Variants in SH3TC2 observed in about 807,000 individuals in gnomAD.
SH3TC2 encodes the protein SH3 domain and tetratricopeptide repeat-containing protein 2.
SH3TC2 carries 87 observed loss-of-function variants against 124.5 expected under a neutral mutation model. That is an observed-to-expected ratio of 0.70 (90% confidence interval 0.59 to 0.84). The LOEUF is 0.84. Ranked by LOEUF, SH3TC2 falls within the 40% of genes least tolerant of loss-of-function variation. The pLI, the probability that SH3TC2 is intolerant of heterozygous loss-of-function variation, is 0.00. For missense variants in SH3TC2, 1,536 were observed against 1,566.4 expected (o/e 0.98, Z 0.33); for synonymous variants, 634 against 628.5 (o/e 1.01, Z -0.13).
intron 8 of SH3TC2, 131 bp downstream of exon 8, chr5:149,038,164 G>A (rs1176004324): frequency 2.6e-6 from 2 of 764,910 alleles, no homozygotes; most frequent in Non-Finnish European, 4.5e-6. Context: ...CAACCTTGGT[G>A]TCAGCATGTG....
At chr5:149,035,624 C>G (rs567189328) in intron 8 of SH3TC2, 13 of 152,340 alleles carry the variant, frequency 8.5e-5, no homozygotes, top group Non-Finnish European at 1.3e-4. Flanking sequence ...ATGCAAGGAG[C>G]CAGTTCCCCT....
At chr5:149,034,843 T>C (rs906061404) in intron 8 of SH3TC2, among the ~76,000 whole-genome samples, 2 of 152,214 alleles carry the variant, frequency 1.3e-5, no homozygotes, top group African/African-American at 4.8e-5. Flanking sequence ...GACAAGGCCC[T>C]GGCAACATGG....
At position 149,028,216 on chromosome 5, in the gene SH3TC2, C is replaced by T; in HGVS notation, c.1516G>A (p.Glu506Lys). Residue 506 changes from glutamate (E) to lysine (K), a missense_variant, in exon 11 of 17, where the codon GAG (glutamate) becomes AAG (lysine). Coordinates refer to ENST00000515425, the MANE Select transcript of SH3TC2 (RefSeq NM_024577.4). ...SSFYSFSEED[E>K]FVAYLEASRK... The stretch of plus-strand genomic sequence containing the variant: ...GATGCCTCCAGGTAGGCCACAAACT[C>T]ATCCTCCTCAGAGAAGCTATAAAAG... 1 of 1,614,084 alleles carries T rather than the reference C, an allele frequency of 6.2e-7. No homozygotes were observed. Among genetic ancestry groups the T allele is most frequent in the Middle Eastern group, 1.6e-4 (1 of 6,062 alleles).
At chr5:149,014,534 T>C (rs569821180) in intron 12 of SH3TC2, among the ~76,000 whole-genome samples, 1 of 152,340 alleles carries the variant, frequency 6.6e-6, no homozygotes, top group South Asian at 2.1e-4. Flanking sequence ...AGGCAGCTGT[T>C]GGCCTTCTGG....
chr5:148,992,246 T>C lies in SH3TC2; in HGVS notation c.*12465A>G, dbSNP rs1753430363. ...GCCTTGCCCAAGGTCATGCACACAG[T>C]GGGGATTTTTACCCAGGTAGCATAA... On this transcript the variant is annotated 3_prime_UTR_variant, in exon 17 of 17. Transcript: ENST00000515425. Among the ~76,000 whole-genome samples the C allele has an allele frequency of 6.6e-6, 1 of 152,246 alleles. No homozygotes were observed. Among genetic ancestry groups the C allele is most frequent in the South Asian group, 2.1e-4 (1 of 4,834 alleles).
intron 3 of SH3TC2, 92 bp downstream of exon 3, chr5:149,047,770 C>T: frequency 6.4e-6 from 10 of 1,553,562 alleles, no homozygotes; most frequent in Non-Finnish European, 8.9e-6. Context: ...CGAGGACCTA[C>T]TTTGTTCCAG....
rs910747402 is a variant in SH3TC2, at chr5:149,009,126, A to G, written c.3328-125T>C. 4 of 1,126,266 alleles carry G rather than the reference A, an allele frequency of 3.6e-6. No homozygotes were observed. In the African/African-American group the frequency reaches 6.1e-5, roughly 17 times the overall value. 69.8% of individuals were successfully genotyped at this position (1,126,266 alleles called of 1,614,324 possible). A position where few individuals can be genotyped will look rare whatever the true frequency, so the allele number is the denominator to read the frequency against. ...CAGTGGACTAAAACAAAGGGGAGTCAGCCATGTTTCCCTGTGTGCCTTTAC... is the reference window on the plus strand; with the variant it reads ...CAGTGGACTAAAACAAAGGGGAGTCGGCCATGTTTCCCTGTGTGCCTTTAC... On this transcript the variant is annotated intron_variant, in intron 14 of 16. Transcript: ENST00000515425.
chr5:149,010,180 G>A, intron 14 of SH3TC2, 90 bp downstream of exon 14: 1 of 1,555,960 alleles, frequency 6.4e-7, no homozygotes. Context: ...AAGCAAGAGA[G>A]GAGAAGAGGG....
At position 149,047,751 on chromosome 5, in the gene SH3TC2, T is replaced by C. The variant is rs568973846; in HGVS notation, c.279+111A>G. The C allele has an allele frequency of 3.0e-5, 41 of 1,344,522 alleles. No homozygotes were observed. In the South Asian group the frequency reaches 4.5e-4, roughly 15 times the overall value. The allele number at this position is 1,344,522 out of a possible 1,614,324, so 83.3% of individuals were successfully genotyped here. ...TCATTCATTCAGTCTACCTATTAGA[T>C]GTTTTTTCCGAGGACCTACTTTGTT... On this transcript the variant is annotated intron_variant, in intron 3 of 16. Coordinates refer to ENST00000515425, the MANE Select transcript of SH3TC2 (RefSeq NM_024577.4).
rs1423206828 is a variant in SH3TC2 at position 148,988,425 on chromosome 5, T to C, written c.*16286A>G. Among the ~76,000 whole-genome samples, 1 of 152,200 alleles carries C rather than the reference T, an allele frequency of 6.6e-6. No individual in the cohort carries two copies. Among genetic ancestry groups the C allele is most frequent in the Admixed American group, 6.5e-5 (1 of 15,282 alleles). Reference sequence around the variant, plus strand: ...TATAACCAATAAAATATAGCAGATGTGACACTGTGTGACTTCTGAGGCCAG... The same window carrying C: ...TATAACCAATAAAATATAGCAGATGCGACACTGTGTGACTTCTGAGGCCAG... On this transcript the variant is annotated 3_prime_UTR_variant, in exon 17 of 17. Transcript: ENST00000515425.
intron 12 of SH3TC2, among the ~76,000 whole-genome samples, chr5:149,020,504 G>A (rs549095421): frequency 2.6e-5 from 4 of 152,186 alleles, no homozygotes; most frequent in South Asian, 2.1e-4. Flanking sequence ...AAATGTAAAC[G>A]TATTAAACAC....
chr5:149,029,254 C>T (rs558709078), intron 9 of SH3TC2, among the ~76,000 whole-genome samples: 2 of 152,292 alleles, frequency 1.3e-5, no homozygotes, highest in Admixed American at 1.3e-4. Flanking sequence ...GTCCACTGGG[C>T]TGGACACTGT....
chr5:149,027,253 T>C lies in SH3TC2; in HGVS notation c.2479A>G (p.Lys827Glu), dbSNP rs763505469. 3 of 1,614,178 alleles carry C rather than the reference T, an allele frequency of 1.9e-6. No homozygotes were observed. The highest frequency in any genetic ancestry group is 1.3e-5 in the African/African-American group (1 of 75,064). The change falls in exon 11 of 17, where the codon AAG (lysine) becomes GAG (glutamate). Residue 827 changes from lysine (K) to glutamate (E), a missense_variant. Physicochemically the swap from Lys to Glu is moderately conservative, Grantham distance 56. Around this residue, in one of 3 missense-constraint regions of SH3TC2, gnomAD observed 1,102 missense variants for 1,098.6 expected, o/e 1.00. Transcript: ENST00000515425. Reference protein sequence around the residue: ...DVLEPLLCSLKETESLTQRGV... With the variant: ...DVLEPLLCSLEETESLTQRGV... ...CTTTGAGTGAGACTCTCTGTCTCCT[T>C]CAGGGAGCATAGCAGTGGCTCAAGC...
chr5:149,023,551 T>A (rs1342115378), intron 12 of SH3TC2, among the ~76,000 whole-genome samples: 1 of 150,798 alleles, frequency 6.6e-6, no homozygotes, highest in Non-Finnish European at 1.5e-5. Flanking sequence ...GACCTTTATT[T>A]TTCACCTATA....
At position 148,995,093 on chromosome 5, in the gene SH3TC2, AG is replaced by A. The variant is rs2127389046; in HGVS notation, c.*9617del. 6.6e-6 allele frequency among the ~76,000 whole-genome samples: 1 copy of A among 152,338 alleles called. No homozygotes were observed. The highest frequency in any genetic ancestry group is 1.9e-4 in the East Asian group (1 of 5,180). On this transcript the variant is annotated 3_prime_UTR_variant, in exon 17 of 17. Coordinates refer to ENST00000515425, the MANE Select transcript of SH3TC2 (RefSeq NM_024577.4). ...GGTGCAATAAGGCTTATATAAGCCA[AG>A]GTCCCTGCTCCCTAGATTTTCTATC...
chr5:149,049,891 C>T (rs1754527939), intron 2 of SH3TC2, among the ~76,000 whole-genome samples: 1 of 152,162 alleles, frequency 6.6e-6, no homozygotes, highest in South Asian at 2.1e-4. Flanking sequence ...TAGCTGTTCC[C>T]CTCCTCACCT....
rs1197507527 is a variant in SH3TC2 at position 148,986,391 on chromosome 5, T to C, written c.*18320A>G. ...TCTTCCATTAGGTCCCAGCTCTAAA[T>C]GATAGACTTAGTGAGAAAACGGAAG... On this transcript the variant is annotated 3_prime_UTR_variant, in exon 17 of 17. Coordinates refer to ENST00000515425, the MANE Select transcript of SH3TC2 (RefSeq NM_024577.4). 1.3e-5 allele frequency among the ~76,000 whole-genome samples: 2 copies of C among 152,204 alleles called. No homozygotes were observed.
rs1753452993 is a variant in SH3TC2, at chr5:148,993,424, AG to A, written c.*11286del. On this transcript the variant is annotated 3_prime_UTR_variant, in exon 17 of 17. Coordinates refer to ENST00000515425, the MANE Select transcript of SH3TC2 (RefSeq NM_024577.4). ...TTTTGATAAAATAGAAGATGGAAAA[AG>A]GTAGAAATTGTTTAACTGCTCTGTA... Among the ~76,000 whole-genome samples the A allele has an allele frequency of 6.6e-6, 1 of 152,238 alleles. No homozygotes were observed. The highest frequency in any genetic ancestry group is 6.5e-5 in the Admixed American group (1 of 15,284).
intron 9 of SH3TC2, 132 bp downstream of exon 9, chr5:149,031,422 C>T: frequency 8.3e-7 from 1 of 1,208,882 alleles, no homozygotes; most frequent in Non-Finnish European, 1.2e-6. Flanking sequence ...AGGTCGTCAA[C>T]AGAATAGTGG....
Sources: allele counts gnomAD v4.1 joint callset (sites outside exome capture counted in the v4.1 genomes callset), GRCh38; gene constraint gnomAD v4.1.1; regional missense constraint gnomAD v4.1.1; transcripts MANE v1.5; gene names NCBI Gene and HGNC (gene_info 2026-07-23, HGNC 2026-07-21).